Variants in SERPINE2 observed in about 807,000 individuals in gnomAD.
The protein encoded by SERPINE2 is glia-derived nexin.
A neutral mutation model predicts 36.3 loss-of-function variants in SERPINE2; 14 were observed. The ratio of observed to expected loss-of-function variants is 0.39; its 90% CI spans 0.25 to 0.60. SERPINE2 has a LOEUF of 0.60. SERPINE2 is among the 20% of genes least tolerant of loss of function. The pLI is 0.57. For synonymous variants in SERPINE2, 192 were observed against 191.8 expected, an observed-to-expected ratio of 1.00 and a Z score of -0.01; for missense variants, 418 against 499.6, an observed-to-expected ratio of 0.84 and a Z score of 1.56.
intron 3 of SERPINE2, among the ~76,000 whole-genome samples, 195 bp downstream of exon 3, chr2:223,997,920 A>G (rs1690956187): frequency 6.6e-6 from 1 of 152,188 alleles, no homozygotes; most frequent in South Asian, 2.1e-4. Context: ...TACAGGAGAA[A>G]CACCTCCCAG....
chr2:224,012,260 C>A (rs1318867046), intron 1 of SERPINE2, among the ~76,000 whole-genome samples: 2 of 152,142 alleles, frequency 1.3e-5, no homozygotes, highest in Admixed American at 1.3e-4. Context: ...TCAGGGATTG[C>A]TTCTGGGAGA....
At chr2:223,993,558 G>T (rs374442730) in intron 3 of SERPINE2, among the ~76,000 whole-genome samples, 11 of 129,268 alleles carry the variant, frequency 8.5e-5, no homozygotes, top group African/African-American at 2.9e-4. Context: ...GTGTGTGTGT[G>T]TATGTGTGTA....
chr2:223,980,279 G>A (rs780513143), intron 7 of SERPINE2, 32 bp downstream of exon 7: 7 of 1,557,012 alleles, frequency 4.5e-6, no homozygotes, highest in Admixed American at 1.7e-5. Context: ...TCCCCTGCTA[G>A]AGGAAGCCCT....
chr2:223,991,678 C>CTGCTCT, intron 4 of SERPINE2, 125 bp downstream of exon 4: 1 of 988,878 alleles, frequency 1.0e-6, no homozygotes, highest in South Asian at 1.4e-5. Context: ...TCTCAGCACC[C>CTGCTCT]TGCTCTGTTC....
intron 1 of SERPINE2, chr2:224,031,240 T>G: frequency 1.1e-6 from 1 of 945,982 alleles, no homozygotes; most frequent in Non-Finnish European, 1.2e-6. Flanking sequence ...GGTGTGCCAC[T>G]TTGGCATACA....
intron 4 of SERPINE2, among the ~76,000 whole-genome samples, chr2:223,987,447 C>T (rs1014167695): frequency 5.9e-5 from 9 of 152,126 alleles, no homozygotes; most frequent in African/African-American, 1.2e-4. Context: ...AGCCTCTCAT[C>T]GTCCCAGAGC....
intron 4 of SERPINE2, among the ~76,000 whole-genome samples, chr2:223,990,517 G>C (rs1463810077): frequency 6.8e-6 from 1 of 146,450 alleles, no homozygotes; most frequent in East Asian, 2.0e-4. Context: ...CTATTAACTT[G>C]TTTTTTTTTT....
At chr2:223,983,831 A>G (rs749761134) in intron 5 of SERPINE2, among the ~76,000 whole-genome samples, 12 of 151,426 alleles carry the variant, frequency 7.9e-5, no homozygotes, top group Non-Finnish European at 1.6e-4. Context: ...GAAGAGCACT[A>G]AGGAGACGTG....
intron 1 of SERPINE2, among the ~76,000 whole-genome samples, chr2:224,020,078 A>G (rs952884886): frequency 4.6e-5 from 7 of 152,178 alleles, no homozygotes; most frequent in African/African-American, 9.7e-5. Flanking sequence ...TAGTTAACCC[A>G]TACTTTGTCT....
At chr2:224,017,752 CTA>C (rs1362286097) in intron 1 of SERPINE2, among the ~76,000 whole-genome samples, 1 of 152,134 alleles carries the variant, frequency 6.6e-6, no homozygotes, top group Non-Finnish European at 1.5e-5. Flanking sequence ...TTAAAAAGTA[CTA>C]TGTCTCAGGT....
intron 7 of SERPINE2, chr2:223,979,744 G>A (rs1253565298): frequency 6.6e-6 from 1 of 152,526 alleles, no homozygotes; most frequent in Non-Finnish European, 1.5e-5. Flanking sequence ...GTTTATCCTG[G>A]ATAGACCTGA....
intron 4 of SERPINE2, among the ~76,000 whole-genome samples, chr2:223,987,616 A>G (rs1160532170): frequency 3.3e-5 from 5 of 152,242 alleles, no homozygotes; most frequent in Non-Finnish European, 7.3e-5. Context: ...AAGAGAAAAT[A>G]AGGATTTTCT....
chr2:224,034,939 G>A (rs994916127), intron 1 of SERPINE2, among the ~76,000 whole-genome samples: 5 of 152,312 alleles, frequency 3.3e-5, no homozygotes, highest in African/African-American at 1.2e-4. Flanking sequence ...ACTGTATAAA[G>A]ATAGCGGAGA....
At chr2:224,007,691 C>T (rs1228315204) in intron 1 of SERPINE2, among the ~76,000 whole-genome samples, 1 of 152,188 alleles carries the variant, frequency 6.6e-6, no homozygotes, top group Non-Finnish European at 1.5e-5. Context: ...CCATACATTG[C>T]AACTGGTTAC....
intron 1 of SERPINE2, among the ~76,000 whole-genome samples, chr2:224,005,416 A>C (rs1201511003): frequency 6.6e-6 from 1 of 152,204 alleles, no homozygotes; most frequent in East Asian, 1.9e-4. Flanking sequence ...GCTGGGCAGA[A>C]CTTCTCCTTG....
chr2:223,997,628 G>A (rs1690941384), intron 3 of SERPINE2, among the ~76,000 whole-genome samples: 1 of 152,120 alleles, frequency 6.6e-6, no homozygotes, highest in Non-Finnish European at 1.5e-5. Context: ...CTGTAATCGG[G>A]GGGGTGTAAA....
intron 1 of SERPINE2, among the ~76,000 whole-genome samples, chr2:224,026,455 A>T (rs917066088): frequency 6.6e-6 from 1 of 152,212 alleles, no homozygotes; most frequent in Non-Finnish European, 1.5e-5. Context: ...ATAAGCATTC[A>T]TAATATGCAT....
intron 2 of SERPINE2, among the ~76,000 whole-genome samples, chr2:224,000,463 T>C (rs765002962): frequency 2.6e-5 from 4 of 152,214 alleles, no homozygotes; most frequent in African/African-American, 7.2e-5. Flanking sequence ...ATCTTTTTCA[T>C]TGGGCCTTAC....
chr2:224,007,853 T>C (rs1691483304), intron 1 of SERPINE2, among the ~76,000 whole-genome samples: 2 of 152,346 alleles, frequency 1.3e-5, no homozygotes, highest in South Asian at 4.1e-4. Flanking sequence ...ATTAATGTCA[T>C]GCTGTTCAAC....
Sources: allele counts gnomAD v4.1 joint callset (sites outside exome capture counted in the v4.1 genomes callset), GRCh38; gene constraint gnomAD v4.1.1; transcripts MANE v1.5; gene names NCBI Gene and HGNC (gene_info 2026-07-23, HGNC 2026-07-21).